MYRIP: variants seen among roughly 807,000 people sequenced by gnomAD.
MYRIP encodes rab effector MyRIP.
Under a neutral mutation model 98.0 loss-of-function variants are expected in MYRIP, and 49 were observed. The ratio of observed to expected loss-of-function variants is 0.50; its 90% CI spans 0.40 to 0.63. MYRIP has a LOEUF of 0.63. Ranked by LOEUF, MYRIP falls within the 30% of genes least tolerant of loss-of-function variation. The pLI is 0.00. For synonymous variants in MYRIP, 404 were observed against 409.5 expected (o/e 0.99, Z 0.16); for missense variants, 1,004 against 1,058.2 (o/e 0.95, Z 0.71).
intron 1 of MYRIP, among the ~76,000 whole-genome samples, chr3:39,848,503 G>A (rs1488084001): frequency 1.3e-5 from 2 of 152,076 alleles, no homozygotes; most frequent in African/African-American, 4.8e-5. Context: ...CAGTGGAGAG[G>A]CCTTGCCTTT....
At chr3:40,220,429 G>A (rs2125683158) in intron 11 of MYRIP, among the ~76,000 whole-genome samples, 1 of 152,248 alleles carries the variant, frequency 6.6e-6, no homozygotes, top group Admixed American at 6.5e-5. Context: ...GTCCTGAATG[G>A]TATTGCCTAG....
intron 3 of MYRIP, among the ~76,000 whole-genome samples, chr3:40,129,730 C>T (rs1949600909): frequency 6.6e-6 from 1 of 152,140 alleles, no homozygotes; most frequent in African/African-American, 2.4e-5. Flanking sequence ...GGGAGGAAGG[C>T]CTGGGAATGC....
chr3:40,075,438 G>A (rs1948322914), intron 3 of MYRIP, among the ~76,000 whole-genome samples: 1 of 152,210 alleles, frequency 6.6e-6, no homozygotes, highest in African/African-American at 2.4e-5. Context: ...GATGGGAGAA[G>A]GGCGAGAGCA....
chr3:40,255,234 T>G (rs1953536733), intron 16 of MYRIP, among the ~76,000 whole-genome samples: 1 of 152,154 alleles, frequency 6.6e-6, no homozygotes, highest in Non-Finnish European at 1.5e-5. Context: ...TAAAAATAAA[T>G]TGTCTTTCAT....
At chr3:39,811,412 C>T (rs1940685246) in intron 1 of MYRIP, among the ~76,000 whole-genome samples, 1 of 152,004 alleles carries the variant, frequency 6.6e-6, no homozygotes, top group African/African-American at 2.4e-5. Flanking sequence ...TCTGGGTCTA[C>T]GGTGGAAATG....
At chr3:40,176,866 A>C (rs1950773536) in intron 8 of MYRIP, among the ~76,000 whole-genome samples, 1 of 146,284 alleles carries the variant, frequency 6.8e-6, no homozygotes, top group South Asian at 2.1e-4. Flanking sequence ...CCGAGATCAC[A>C]CCATTGCACT....
intron 10 of MYRIP, among the ~76,000 whole-genome samples, chr3:40,192,984 C>T (rs1357376702): frequency 6.6e-6 from 1 of 152,188 alleles, no homozygotes; most frequent in Non-Finnish European, 1.5e-5. Context: ...CAAAGCTCAT[C>T]TCCAACTCAG....
At chr3:39,954,547 C>A (rs1055945201) in intron 2 of MYRIP, among the ~76,000 whole-genome samples, 15 of 152,144 alleles carry the variant, frequency 9.9e-5, no homozygotes, top group Non-Finnish European at 2.1e-4. Flanking sequence ...AAGGTAGATA[C>A]AACCACAAAG....
intron 1 of MYRIP, among the ~76,000 whole-genome samples, chr3:39,893,850 T>C (rs890699824): frequency 6.6e-6 from 1 of 152,168 alleles, no homozygotes; most frequent in African/African-American, 2.4e-5. Flanking sequence ...TGGTATTCTA[T>C]CTTAGAGCTA....
chr3:39,999,163 C>T (rs1269686987), intron 2 of MYRIP, among the ~76,000 whole-genome samples: 1 of 152,106 alleles, frequency 6.6e-6, no homozygotes, highest in Non-Finnish European at 1.5e-5. Flanking sequence ...GCAACAAAAG[C>T]CAAAATTGAC....
At chr3:39,910,293 G>A (rs1177683864) in intron 2 of MYRIP, among the ~76,000 whole-genome samples, 2 of 152,192 alleles carry the variant, frequency 1.3e-5, no homozygotes, top group Non-Finnish European at 2.9e-5. Context: ...AACTCAGGCG[G>A]AGCAGCCCTA....
intron 2 of MYRIP, among the ~76,000 whole-genome samples, chr3:39,971,187 C>A (rs1945571544): frequency 6.6e-6 from 1 of 152,054 alleles, no homozygotes; most frequent in African/African-American, 2.4e-5. Context: ...GGTGCCATCT[C>A]CAGGTCCATA....
intron 2 of MYRIP, among the ~76,000 whole-genome samples, chr3:39,901,200 C>A (rs1166447532): frequency 6.6e-6 from 1 of 152,182 alleles, no homozygotes; most frequent in African/African-American, 2.4e-5. Flanking sequence ...GAACACGCTG[C>A]CTTGAGCTTC....
chr3:39,924,989 A>G (rs562777539), intron 2 of MYRIP, among the ~76,000 whole-genome samples: 1 of 152,006 alleles, frequency 6.6e-6, no homozygotes, highest in African/African-American at 2.4e-5. Flanking sequence ...ATAGTACTAA[A>G]TGCATACTGG....
chr3:39,930,102 CT>C (rs1235839244), intron 2 of MYRIP, among the ~76,000 whole-genome samples: 1 of 151,910 alleles, frequency 6.6e-6, no homozygotes, highest in African/African-American at 2.4e-5. Flanking sequence ...TCATATGGTA[CT>C]TCTGTTTAAC....
At chr3:40,066,468 G>A (rs970841049) in intron 3 of MYRIP, among the ~76,000 whole-genome samples, 2 of 152,184 alleles carry the variant, frequency 1.3e-5, no homozygotes, top group African/African-American at 4.8e-5. Flanking sequence ...TTTTGCTTAA[G>A]GTAGAATTAA....
Position 40,038,398 on chromosome 3 carries a change from G to A in MYRIP, c.111-5652G>A, listed in dbSNP as rs984047759. ...ACCAGTAGAAAGAAGAAATAATAAA[G>A]ATAAGACTGGACTTTATTGCAATGG... On this transcript the variant is annotated intron_variant, in intron 2 of 16. Coordinates refer to ENST00000302541, the MANE Select transcript of MYRIP (RefSeq NM_015460.4). Among the ~76,000 whole-genome samples, 19 of 151,942 alleles carry A rather than the reference G, an allele frequency of 1.3e-4. 1 individual carries two copies. Among genetic ancestry groups the A allele is most frequent in the African/African-American group, 4.1e-4 (17 of 41,414 alleles).
intron 9 of MYRIP, among the ~76,000 whole-genome samples, chr3:40,183,397 G>T (rs1046307242): frequency 4.6e-5 from 7 of 152,184 alleles, no homozygotes; most frequent in Non-Finnish European, 5.9e-5. Flanking sequence ...AAGTCAGCTT[G>T]CCTCTTTAGA....
At chr3:39,894,229 A>G (rs1943552319) in intron 1 of MYRIP, among the ~76,000 whole-genome samples, 4 of 152,230 alleles carry the variant, frequency 2.6e-5, no homozygotes, top group Admixed American at 1.3e-4. Flanking sequence ...ATTTTCACAA[A>G]TTGAACACAT....
Sources: allele counts gnomAD v4.1 joint callset (sites outside exome capture counted in the v4.1 genomes callset), GRCh38; gene constraint gnomAD v4.1.1; transcripts MANE v1.5; gene names NCBI Gene and HGNC (gene_info 2026-07-23, HGNC 2026-07-21).